The following TRMT61B variants were observed in gnomAD, a reference collection of about 807,000 sequenced individuals.
TRMT61B encodes tRNA (adenine(58)-N(1))-methyltransferase, mitochondrial.
Under a neutral mutation model 52.0 loss-of-function variants are expected in TRMT61B, and 56 were observed. The ratio of observed to expected loss-of-function variants is 1.08; its 90% CI spans 0.87 to 1.35. The LOEUF (loss-of-function observed/expected upper bound fraction) is 1.35. TRMT61B is among the 40% of genes most tolerant of loss of function. The probability of loss-of-function intolerance (pLI) is 0.00; values close to 1 mark genes in which losing one functional copy is unlikely to be tolerated. For missense variants in TRMT61B, 650 were observed against 577.9 expected (o/e 1.12, Z -1.28); for synonymous variants, 206 against 220.0 (o/e 0.94, Z 0.56).
At chr2:28,858,388 A>C (rs1391711288) in intron 3 of TRMT61B, among the ~76,000 whole-genome samples, 1 of 151,724 alleles carries the variant, frequency 6.6e-6, no homozygotes, top group East Asian at 1.9e-4. Flanking sequence ...TAATGGTTTA[A>C]CACCTTTTTT....
rs757775726 is a variant in TRMT61B at position 28,870,185 on chromosome 2, G to C, written c.93C>G (p.Pro31=). The change falls in exon 1 of 7, where the codon CCC becomes CCG. Residue 31 remains proline, a synonymous_variant. Coordinates refer to ENST00000306108, the MANE Select transcript of TRMT61B (RefSeq NM_017910.4). ...NSFLHGLGQE[P]FEGARSLCCR... is the part of the protein sequence containing the mutation. ...AACACAGTGACCGAGCTCCCTCGAA[G>C]GGCTCCTGCCCCAGGCCGTGCAGGA... 2 of 1,613,144 alleles carry C rather than the reference G, an allele frequency of 1.2e-6. No homozygotes were observed. Among genetic ancestry groups the C allele is most frequent in the Non-Finnish European group, 1.7e-6 (2 of 1,180,048 alleles).
rs138587839 is a variant in TRMT61B at position 28,851,086 on chromosome 2, T to C, written c.1298A>G (p.Gln433Arg). The C allele has an allele frequency of 1.0e-5, 16 of 1,605,516 alleles. No homozygotes were observed. In the African/African-American group the frequency reaches 1.9e-4, roughly 19 times the overall value. Residue 433 changes from glutamine to arginine, a missense_variant, in exon 5 of 7, where the codon CAA becomes CGA. By Grantham distance (43) the Gln-to-Arg change is conservative. Coordinates refer to ENST00000306108, the MANE Select transcript of TRMT61B (RefSeq NM_017910.4). ...EKIGVKGELF[Q>R]EDDHEESHSD... The stretch of plus-strand genomic sequence containing the variant: ...CTGAAGCTCACCATGGTCATCCTCT[T>C]GAAACAGCTCACCTTTAACTCCAAT...
chr2:28,865,435 G>T (rs557911774), intron 1 of TRMT61B, among the ~76,000 whole-genome samples: 2 of 152,320 alleles, frequency 1.3e-5, no homozygotes, highest in East Asian at 3.9e-4. Context: ...AAACAAAGCA[G>T]AGGTAGAATA....
chr2:28,859,242 G>C (rs1344473798), intron 3 of TRMT61B, among the ~76,000 whole-genome samples: 1 of 151,988 alleles, frequency 6.6e-6, no homozygotes, highest in Non-Finnish European at 1.5e-5. Context: ...ACCACGCCCG[G>C]CTAATTTTTT....
At chr2:28,851,382 T>A (rs1181758264) in intron 4 of TRMT61B, 84 bp from the exon 5 acceptor site, 1 of 905,616 alleles carries the variant, frequency 1.1e-6, no homozygotes, top group Non-Finnish European at 1.6e-6. Flanking sequence ...TTGCCCACAT[T>A]TAAATACCAT....
In TRMT61B at chr2:28,869,634, G is replaced by A. The variant is rs1558352743; in HGVS notation, c.644C>T (p.Ala215Val). 1.2e-6 allele frequency: 2 copies of A among 1,614,046 alleles called. No individual in the cohort carries two copies. The highest frequency in any genetic ancestry group is 1.7e-6 in the Non-Finnish European group (2 of 1,180,000). The stretch of plus-strand genomic sequence containing the variant: ...CATCAATACTACATAGTCTTCCAAG[G>A]CTGGCCTCCTCAGCATGTACTGCTT... ...FGKQYMLRRP[A>V]LEDYVVLMKR... The change falls in exon 1 of 7, where the codon GCC becomes GTC. Residue 215 changes from alanine (A) to valine (V), a missense_variant. Physicochemically the swap from Ala to Val is moderately conservative, Grantham distance 64. Transcript: ENST00000306108.
chr2:28,865,149 G>C, intron 1 of TRMT61B, 30 bp from the exon 2 acceptor site: 1 of 1,311,412 alleles, frequency 7.6e-7, no homozygotes, highest in Non-Finnish European at 1.1e-6. Context: ...GGGTGACTCA[G>C]CGACCAATAA....
In TRMT61B at chr2:28,870,274, G is replaced by C. The variant is rs1279949537; in HGVS notation, c.4C>G (p.Leu2Val). The C allele has an allele frequency of 5.1e-6, 8 of 1,558,020 alleles. No homozygotes were observed. The highest frequency in any genetic ancestry group is 4.1e-5 in the African/African-American group (3 of 73,072). ...ACAGGACCGCGGCACCATGCCATTA[G>C]CATAGTGTTTCGCGAAGGCGCCGTC... is the stretch of plus-strand genomic sequence containing the variant. Reference protein sequence around the residue: MLMAWCRGPVLL... With the variant: MVMAWCRGPVLL... The change falls in exon 1 of 7, where the codon CTA becomes GTA. Residue 2 changes from leucine (L) to valine (V), a missense_variant. Coordinates refer to ENST00000306108, the MANE Select transcript of TRMT61B (RefSeq NM_017910.4).
chr2:28,850,591 CAT>C (rs748352863), intron 5 of TRMT61B, 186 bp from the exon 6 acceptor site: 72 of 529,486 alleles, frequency 1.4e-4, no homozygotes, highest in Non-Finnish European at 2.1e-4. Context: ...ATGTAATAAA[CAT>C]ATGATTTTAT....
chr2:28,855,087 A>G lies in TRMT61B; in HGVS notation c.994-2588T>C, dbSNP rs181290800. Among the ~76,000 whole-genome samples the G allele has an allele frequency of 2.6e-3, 390 of 152,242 alleles. 4 individuals carry two copies. Among genetic ancestry groups the G allele is most frequent in the African/African-American group, 9.0e-3 (375 of 41,560 alleles). On this transcript the variant is annotated intron_variant, in intron 3 of 6. Coordinates refer to ENST00000306108, the MANE Select transcript of TRMT61B (RefSeq NM_017910.4). ...TGAGCTCCTGGTGGAGGGAACAGCA[A>G]ATATTTAATACAAACACTCAGGTAG...
chr2:28,864,938 A>C, intron 2 of TRMT61B, 79 bp downstream of exon 2: 1 of 839,904 alleles, frequency 1.2e-6, no homozygotes, highest in Non-Finnish European at 1.9e-6. Flanking sequence ...TTTCCCAAAT[A>C]TCTTTATACC....
At position 28,870,193 on chromosome 2, in the gene TRMT61B, GCC is replaced by G; in HGVS notation, c.83_84del (p.Gly28AlafsTer17). 1 of 1,612,842 alleles carries G rather than the reference GCC, an allele frequency of 6.2e-7. No individual in the cohort carries two copies. Among genetic ancestry groups the G allele is most frequent in the Admixed American group, 1.7e-5 (1 of 60,008 alleles). On this transcript the variant is annotated frameshift_variant, in exon 1 of 7. Transcript: ENST00000306108. LOFTEE classifies it high-confidence loss of function. The part of the protein sequence containing the change: ...LGTNSFLHGL[G>X]QEPFEGARSL... The stretch of plus-strand genomic sequence containing the variant: ...GACCGAGCTCCCTCGAAGGGCTCCT[GCC>G]CCAGGCCGTGCAGGAATGAATTGGT...
In TRMT61B at chr2:28,849,965, G is replaced by T; in HGVS notation, c.*234C>A. 4 of 1,517,462 alleles carry T rather than the reference G, an allele frequency of 2.6e-6. No homozygotes were observed. Among genetic ancestry groups the T allele is most frequent in the Non-Finnish European group, 3.6e-6 (4 of 1,110,684 alleles). The allele number at this position is 1,517,462 out of a possible 1,614,324, so 94.0% of individuals were successfully genotyped here. On this transcript the variant is annotated 3_prime_UTR_variant, in exon 7 of 7. Coordinates refer to ENST00000306108, the MANE Select transcript of TRMT61B (RefSeq NM_017910.4). ...GAGATGGCCCAACTAAACCAATTTG[G>T]AATCATTAACTACAAAATGTCAAAC... is the stretch of plus-strand genomic sequence containing the variant.
intron 3 of TRMT61B, among the ~76,000 whole-genome samples, chr2:28,852,757 AG>A (rs1669177622): frequency 2.0e-5 from 3 of 152,112 alleles, no homozygotes; most frequent in African/African-American, 7.2e-5. Flanking sequence ...GCCGAGTTTG[AG>A]AACAGCCCAG....
chr2:28,853,461 C>G (rs1159743207), intron 3 of TRMT61B, among the ~76,000 whole-genome samples: 1 of 152,016 alleles, frequency 6.6e-6, no homozygotes, highest in Non-Finnish European at 1.5e-5. Flanking sequence ...CAGATGTGAA[C>G]CGCTGCACCT....
chr2:28,866,803 A>T (rs1480376566), intron 1 of TRMT61B, among the ~76,000 whole-genome samples: 1 of 152,180 alleles, frequency 6.6e-6, no homozygotes, highest in Non-Finnish European at 1.5e-5. Context: ...TAAATTTAGT[A>T]AACAAATTTT....
rs1670008222 is a variant in TRMT61B at position 28,869,861 on chromosome 2, G to A, written c.417C>T (p.Val139=). The change falls in exon 1 of 7, where the codon GTC becomes GTT. Residue 139 remains valine (V), a synonymous_variant. Transcript: ENST00000306108. ...CTCTGGAAGTTGAACAAGAAGGGGA[G>A]ACGTGACGCTCTTCGACCTCGGTAG... is the stretch of plus-strand genomic sequence containing the variant. ...QSATEVEERH[V]SPSCSTSRER... 1.2e-6 allele frequency: 2 copies of A among 1,614,184 alleles called. No individual in the cohort carries two copies. Among genetic ancestry groups the A allele is most frequent in the South Asian group, 2.2e-5 (2 of 91,080 alleles).
intron 1 of TRMT61B, among the ~76,000 whole-genome samples, chr2:28,867,304 C>T (rs181707902): frequency 2.0e-5 from 3 of 151,674 alleles, no homozygotes; most frequent in South Asian, 2.1e-4. Context: ...TATGTTGCCC[C>T]GGCTGGTCTC....
chr2:28,856,564 A>T (rs1669349837), intron 3 of TRMT61B, among the ~76,000 whole-genome samples: 1 of 152,130 alleles, frequency 6.6e-6, no homozygotes, highest in African/African-American at 2.4e-5. Flanking sequence ...CAAGTTCTAC[A>T]GCCATGGTGT....
Sources: allele counts gnomAD v4.1 joint callset (sites outside exome capture counted in the v4.1 genomes callset), GRCh38; gene constraint gnomAD v4.1.1; transcripts MANE v1.5; gene names NCBI Gene and HGNC (gene_info 2026-07-23, HGNC 2026-07-21).